PCNT: variants seen among roughly 807,000 people sequenced by gnomAD.
PCNT encodes the protein kendrin.
A neutral mutation model predicts 380.4 loss-of-function variants in PCNT; 319 were observed. That is an observed-to-expected ratio of 0.84 (90% CI 0.77 to 0.92). The LOEUF is 0.92. PCNT is among the 40% of genes least tolerant of loss of function. PCNT has a pLI of 0.00. For synonymous variants in PCNT, 1,845 were observed against 1,735.2 expected (o/e 1.06, Z -1.57); for missense variants, 4,400 against 4,255.3 (o/e 1.03, Z -0.95).
rs1472092080 is a variant in PCNT at position 46,442,529 on chromosome 21, T to A, written c.9656T>A (p.Val3219Glu). ...LRFLVKKWQEVDRKGALAQGK... is the reference protein window; with the variant it reads ...LRFLVKKWQEEDRKGALAQGK... Reference sequence around the variant, plus strand: ...TTTTTGGTTAAGAAATGGCAAGAAGTAGATCGGAAAGGAGCTCTGGCACAA... The same window carrying A: ...TTTTTGGTTAAGAAATGGCAAGAAGAAGATCGGAAAGGAGCTCTGGCACAA... Residue 3219 changes from valine (V) to glutamate (E), a missense_variant, in exon 44 of 47, where the codon GTA (valine) becomes GAA (glutamate). Transcript: ENST00000359568. The A allele has an allele frequency of 6.2e-7, 1 of 1,612,734 alleles. No homozygotes were observed. Among genetic ancestry groups the A allele is most frequent in the Non-Finnish European group, 8.5e-7 (1 of 1,178,828 alleles).
chr21:46,436,516 C>T (rs2053459474), intron 39 of PCNT, among the ~76,000 whole-genome samples: 1 of 145,178 alleles, frequency 6.9e-6, no homozygotes, highest in Non-Finnish European at 1.5e-5. Flanking sequence ...TCACTCAAGG[C>T]CACTCACACC....
At chr21:46,346,633 G>GT (rs2084077738) in intron 4 of PCNT, 110 bp from the exon 5 acceptor site, 4 of 1,370,380 alleles carry the variant, frequency 2.9e-6, no homozygotes, top group South Asian at 2.5e-5. Flanking sequence ...GATGTCTGCT[G>GT]TTTCATTTTC....
intron 5 of PCNT, 93 bp downstream of exon 5, chr21:46,347,091 C>G (rs1042886634): frequency 2.8e-6 from 4 of 1,432,130 alleles, no homozygotes; most frequent in Non-Finnish European, 3.8e-6. Flanking sequence ...CTGGGGCGCC[C>G]TAGCACCGTC....
At chr21:46,424,779 A>C (rs1602063471) in intron 32 of PCNT, among the ~76,000 whole-genome samples, 1 of 109,918 alleles carries the variant, frequency 9.1e-6, no homozygotes, top group Non-Finnish European at 1.9e-5. Context: ...TCCCCGCACC[A>C]CCCCGCTCCC....
intron 9 of PCNT, 79 bp from the exon 10 acceptor site, chr21:46,353,025 T>C: frequency 8.5e-7 from 1 of 1,181,748 alleles, no homozygotes; most frequent in Non-Finnish European, 1.3e-6. Context: ...CCACCACAGG[T>C]AACCAGGCTC....
intron 21 of PCNT, among the ~76,000 whole-genome samples, chr21:46,395,942 A>G (rs937638496): frequency 4.0e-5 from 6 of 151,206 alleles, no homozygotes; most frequent in East Asian, 2.0e-4. Flanking sequence ...GTAATAAAAT[A>G]GAGACTTCAG....
At chr21:46,441,467 AGTAGCAGAT>A (rs1461465033) in intron 43 of PCNT, among the ~76,000 whole-genome samples, 1 of 152,130 alleles carries the variant, frequency 6.6e-6, no homozygotes. Flanking sequence ...GCCTGTCTGG[AGTAGCAGAT>A]GCAGCAGAGA....
At chr21:46,362,469 T>G (rs1387260321) in intron 13 of PCNT, among the ~76,000 whole-genome samples, 1 of 152,198 alleles carries the variant, frequency 6.6e-6, no homozygotes. Flanking sequence ...TTCATAGTGG[T>G]TGTCTCTGGA....
intron 37 of PCNT, 47 bp from the exon 38 acceptor site, chr21:46,431,482 T>C: frequency 6.2e-7 from 1 of 1,613,554 alleles, no homozygotes; most frequent in African/African-American, 1.3e-5. Context: ...ATGTAGACAC[T>C]TTTCCTCTTG....
In PCNT at chr21:46,411,596, T is replaced by C. The variant is rs749122095; in HGVS notation, c.5523T>C (p.Asn1841=). ...TACAGCTGGCTGAGCTGGAGCGCAATGTAGCCCTCAGGGAGGCTGAGGTCG... is the reference window on the plus strand; with the variant it reads ...TACAGCTGGCTGAGCTGGAGCGCAACGTAGCCCTCAGGGAGGCTGAGGTCG... ...AELQLAELER[N]VALREAEVED... The change falls in exon 28 of 47, where the codon AAT becomes AAC. Residue 1841 remains asparagine, a synonymous_variant. Coordinates refer to ENST00000359568, the MANE Select transcript of PCNT (RefSeq NM_006031.6). 3.7e-6 allele frequency: 6 copies of C among 1,612,824 alleles called. No homozygotes were observed. The African/African-American group carries it at 8.0e-5, about 22-fold the overall frequency.
At chr21:46,414,480 G>T (rs1481672170) in intron 29 of PCNT, among the ~76,000 whole-genome samples, 2 of 52,534 alleles carry the variant, frequency 3.8e-5, no homozygotes, top group Non-Finnish European at 7.2e-5. Context: ...ACACACAGCC[G>T]CCCACTCTCC....
intron 29 of PCNT, among the ~76,000 whole-genome samples, chr21:46,413,588 T>A (rs1240906746): frequency 1.3e-5 from 2 of 152,222 alleles, no homozygotes; most frequent in Non-Finnish European, 2.9e-5. Context: ...GTTTTTTTCT[T>A]GTAATTGATC....
At chr21:46,421,909 C>A in intron 31 of PCNT, 61 bp from the exon 32 acceptor site, 1 of 1,582,328 alleles carries the variant, frequency 6.3e-7, no homozygotes, top group Non-Finnish European at 8.7e-7. Flanking sequence ...CTCTGCAGTG[C>A]GTCCCCTGGG....
intron 27 of PCNT, among the ~76,000 whole-genome samples, chr21:46,407,636 C>T (rs547175608): frequency 6.6e-6 from 1 of 152,346 alleles, no homozygotes; most frequent in African/African-American, 2.4e-5. Context: ...AGCCACCGCG[C>T]CCAGTCTATA....
chr21:46,326,486 C>A lies in PCNT; in HGVS notation c.164C>A (p.Pro55Gln). ...AVDASVQEESPVTKEDSALCG... is the reference protein window; with the variant it reads ...AVDASVQEESQVTKEDSALCG... The stretch of plus-strand genomic sequence containing the variant: ...GATGCGTCTGTCCAGGAGGAGAGTC[C>A]GGTAACCAAGGAGGACAGCGCACTC... The change falls in exon 2 of 47, where the codon CCG becomes CAG. Residue 55 changes from proline to glutamine, a missense_variant. By Grantham distance (76) the Pro-to-Gln change is moderately conservative. Transcript: ENST00000359568. 1.2e-6 allele frequency: 2 copies of A among 1,614,178 alleles called. No homozygotes were observed. Among genetic ancestry groups the A allele is most frequent in the South Asian group, 2.2e-5 (2 of 91,082 alleles).
Position 46,401,600 on chromosome 21 carries a change from C to T in PCNT, c.4841C>T (p.Ser1614Phe). The change falls in exon 26 of 47, where the codon TCC becomes TTC. Residue 1614 changes from serine (S) to phenylalanine (F), a missense_variant. By Grantham distance (155) the Ser-to-Phe change is radical. Coordinates refer to ENST00000359568, the MANE Select transcript of PCNT (RefSeq NM_006031.6). The part of the protein sequence containing the change: ...KQQMSSLLLA[S>F]TLQSTLDAGR... ...CAGATGAGTAGCTTGCTTCTGGCGT[C>T]CACGTTGCAGTCTACACTAGATGCA... is the stretch of plus-strand genomic sequence containing the variant. 6.2e-7 allele frequency: 1 copy of T among 1,613,958 alleles called. No homozygotes were observed. Among genetic ancestry groups the T allele is most frequent in the Non-Finnish European group, 8.5e-7 (1 of 1,179,904 alleles).
chr21:46,357,313 C>T lies in PCNT; in HGVS notation c.2154+122C>T. On this transcript the variant is annotated intron_variant, in intron 13 of 46. Coordinates refer to ENST00000359568, the MANE Select transcript of PCNT (RefSeq NM_006031.6). Reference sequence around the variant, plus strand: ...GGACAGCCCAGTGCTGTACATGGCACATTTGTAAGGGCGACAGTCCCGTAA... The same window carrying T: ...GGACAGCCCAGTGCTGTACATGGCATATTTGTAAGGGCGACAGTCCCGTAA... The T allele has an allele frequency of 6.6e-6, 5 of 762,608 alleles. No individual in the cohort carries two copies. The South Asian group carries it at 6.9e-5, about 11-fold the overall frequency. 47.2% of individuals were successfully genotyped at this position (762,608 alleles called of 1,614,324 possible).
At position 46,334,711 on chromosome 21, in the gene PCNT, G is replaced by A. The variant is rs369436319; in HGVS notation, c.582G>A (p.Gln194=). The A allele has an allele frequency of 3.1e-6, 5 of 1,613,974 alleles. No individual in the cohort carries two copies. Among genetic ancestry groups the A allele is most frequent in the African/African-American group, 1.3e-5 (1 of 75,062 alleles). ...MFTVSDHTPE[Q]RGIFTISDHP... ...CAGTCAGTGACCACACACCAGAACAGCGTGGGATCTTCACAATCAGTGACC... is the reference window on the plus strand; with the variant it reads ...CAGTCAGTGACCACACACCAGAACAACGTGGGATCTTCACAATCAGTGACC... Residue 194 remains glutamine (Q), a synonymous_variant, in exon 3 of 47, where the codon CAG becomes CAA. Transcript: ENST00000359568.
chr21:46,443,918 C>A lies in PCNT; in HGVS notation c.9809C>A (p.Ala3270Glu). The A allele has an allele frequency of 6.2e-7, 1 of 1,612,508 alleles. No homozygotes were observed. Among genetic ancestry groups the A allele is most frequent in the Non-Finnish European group, 8.5e-7 (1 of 1,179,948 alleles). Reference sequence around the variant, plus strand: ...GACCCTGCCAGAGGCCGCAGACTGGCAGCAGCAGCCTCCCCACACAGTGGG... The same window carrying A: ...GACCCTGCCAGAGGCCGCAGACTGGAAGCAGCAGCCTCCCCACACAGTGGG... ...TRDPARGRRL[A>E]AAASPHSGGR... is the part of the protein sequence containing the mutation. Residue 3270 changes from alanine (A) to glutamate (E), a missense_variant, in exon 45 of 47, where the codon GCA becomes GAA. Transcript: ENST00000359568.
Sources: allele counts gnomAD v4.1 joint callset (sites outside exome capture counted in the v4.1 genomes callset), GRCh38; gene constraint gnomAD v4.1.1; transcripts MANE v1.5; gene names NCBI Gene and HGNC (gene_info 2026-07-23, HGNC 2026-07-21).